Variants in GNAI1 observed in about 807,000 individuals in gnomAD.
The protein encoded by GNAI1 is G protein subunit alpha i1.
Under a neutral mutation model 38.9 loss-of-function variants are expected in GNAI1, and 11 were observed. The ratio of observed to expected loss-of-function variants is 0.28; its 90% CI spans 0.18 to 0.47. The LOEUF is 0.47. Ranked by LOEUF, GNAI1 falls within the 20% of genes least tolerant of loss-of-function variation. GNAI1 has a pLI of 0.99. For synonymous variants in GNAI1, 166 were observed against 145.1 expected (o/e 1.14, Z -1.04); for missense variants, 317 against 436.9 (o/e 0.73, Z 2.45).
At chr7:80,180,541 G>C (rs1223419572) in intron 1 of GNAI1, among the ~76,000 whole-genome samples, 1 of 151,964 alleles carries the variant, frequency 6.6e-6, no homozygotes, top group African/African-American at 2.4e-5. Flanking sequence ...GTGTTTATTT[G>C]GCCTTCACTT....
intron 5 of GNAI1, among the ~76,000 whole-genome samples, chr7:80,204,934 G>T (rs1413039040): frequency 6.6e-6 from 1 of 152,020 alleles, no homozygotes; most frequent in East Asian, 1.9e-4. Flanking sequence ...TAAAAATACA[G>T]ATGTTCCTTT....
chr7:80,188,920 A>G, intron 1 of GNAI1, 31 bp from the exon 2 acceptor site: 1 of 1,474,924 alleles, frequency 6.8e-7, no homozygotes. Context: ...TTATGATGAA[A>G]TTAGAAACCT....
Position 80,217,469 on chromosome 7 carries a change from T to C in GNAI1, c.1041T>C (p.Asn347=). 1.3e-6 allele frequency: 2 copies of C among 1,599,518 alleles called. No homozygotes were observed. The highest frequency in any genetic ancestry group is 1.1e-5 in the South Asian group (1 of 87,574). Residue 347 remains asparagine (N), a synonymous_variant, in exon 8 of 8, where the codon AAT becomes AAC. Coordinates refer to ENST00000649796, the MANE Select transcript of GNAI1 (RefSeq NM_002069.6). ...TAACAGATGTCATCATAAAAAATAA[T>C]CTAAAAGATTGTGGTCTCTTTTAAG... ...DAVTDVIIKN[N]LKDCGLF is the part of the protein sequence containing the mutation.
At chr7:80,192,016 T>C (rs1788488706) in intron 3 of GNAI1, among the ~76,000 whole-genome samples, 1 of 151,648 alleles carries the variant, frequency 6.6e-6, no homozygotes, top group Non-Finnish European at 1.5e-5. Flanking sequence ...TGTGAACTCC[T>C]CTTAGTTTTC....
rs1562848645 is a variant in GNAI1 at position 80,221,636 on chromosome 7, C to CTTTTTAT, written c.*4148_*4149insATTTTTT. ...ATTTTAATGTTAGGTTGGAAATTTT[C>CTTTTTAT]TTTTTTTTTTTTTTTTTTTTTTTTT... On this transcript the variant is annotated 3_prime_UTR_variant, in exon 8 of 8. Coordinates refer to ENST00000649796, the MANE Select transcript of GNAI1 (RefSeq NM_002069.6). 1.1e-5 allele frequency among the ~76,000 whole-genome samples: 1 copy of CTTTTTAT among 94,354 alleles called. No homozygotes were observed. 61.9% of individuals were successfully genotyped at this position (94,354 alleles called of 152,430 possible).
chr7:80,181,244 C>A (rs1299496312), intron 1 of GNAI1, among the ~76,000 whole-genome samples: 1 of 152,096 alleles, frequency 6.6e-6, no homozygotes, highest in African/African-American at 2.4e-5. Context: ...CTTCTTTGAC[C>A]AGTTGGGTGA....
chr7:80,179,951 A>G (rs1476201726), intron 1 of GNAI1, among the ~76,000 whole-genome samples: 1 of 152,160 alleles, frequency 6.6e-6, no homozygotes, highest in Non-Finnish European at 1.5e-5. Flanking sequence ...TTGCCGTAGA[A>G]GGAGACATTA....
chr7:80,174,235 T>C (rs748070260), intron 1 of GNAI1, among the ~76,000 whole-genome samples: 23 of 152,236 alleles, frequency 1.5e-4, no homozygotes, highest in Middle Eastern at 6.8e-3. Context: ...ACAGAAACAT[T>C]CAAGAAGTAA....
intron 1 of GNAI1, among the ~76,000 whole-genome samples, chr7:80,139,165 C>A (rs1787479057): frequency 1.3e-5 from 2 of 152,118 alleles, no homozygotes; most frequent in Non-Finnish European, 2.9e-5. Flanking sequence ...TAGTAAGAAG[C>A]CACAGGTTTT....
chr7:80,155,706 A>C (rs1317156849), intron 1 of GNAI1, among the ~76,000 whole-genome samples: 1 of 151,930 alleles, frequency 6.6e-6, no homozygotes, highest in Non-Finnish European at 1.5e-5. Flanking sequence ...GAATGATAGC[A>C]CAGTTACACA....
At chr7:80,210,127 A>G (rs965947935) in intron 5 of GNAI1, among the ~76,000 whole-genome samples, 15 of 152,212 alleles carry the variant, frequency 9.9e-5, no homozygotes, top group African/African-American at 3.6e-4. Context: ...TAGTGTTTTC[A>G]TTATATAAGT....
At chr7:80,139,908 AAT>A (rs1787493097) in intron 1 of GNAI1, among the ~76,000 whole-genome samples, 1 of 61,656 alleles carries the variant, frequency 1.6e-5, no homozygotes, top group African/African-American at 4.6e-5. Context: ...TTTGCCCTGC[AAT>A]TTTTTTTTTT....
At chr7:80,184,083 A>G (rs905728770) in intron 1 of GNAI1, among the ~76,000 whole-genome samples, 1 of 152,064 alleles carries the variant, frequency 6.6e-6, no homozygotes, top group Non-Finnish European at 1.5e-5. Context: ...CAGTGGGCGG[A>G]GGGGGAGGAC....
chr7:80,166,601 C>T (rs968041950), intron 1 of GNAI1, among the ~76,000 whole-genome samples: 10 of 152,124 alleles, frequency 6.6e-5, no homozygotes, highest in African/African-American at 1.9e-4. Flanking sequence ...TAGGATTACT[C>T]ACATTCAATT....
chr7:80,212,334 T>G (rs56343702), intron 6 of GNAI1, among the ~76,000 whole-genome samples: 43,603 of 151,776 alleles, frequency 0.29, 7,349 homozygotes, highest in African/African-American at 0.47. Context: ...TCAATTTAAG[T>G]TATTAATCTT....
chr7:80,203,983 T>G, intron 5 of GNAI1, 151 bp downstream of exon 5: 1 of 481,560 alleles, frequency 2.1e-6, no homozygotes, highest in Non-Finnish European at 3.6e-6. Context: ...AAAGAATGTT[T>G]GGGAGAAAGA....
chr7:80,155,356 A>T (rs1243048795), intron 1 of GNAI1, among the ~76,000 whole-genome samples: 1 of 152,222 alleles, frequency 6.6e-6, no homozygotes, highest in African/African-American at 2.4e-5. Context: ...CTTCAGTAAT[A>T]TCGAATTCTG....
At chr7:80,180,802 CT>C (rs1788281252) in intron 1 of GNAI1, among the ~76,000 whole-genome samples, 1 of 152,118 alleles carries the variant, frequency 6.6e-6, no homozygotes, top group Non-Finnish European at 1.5e-5. Context: ...AAAGTCCCTA[CT>C]TTGAAGATAA....
chr7:80,214,376 A>G (rs1788926275), intron 7 of GNAI1, among the ~76,000 whole-genome samples: 1 of 152,108 alleles, frequency 6.6e-6, no homozygotes, highest in Non-Finnish European at 1.5e-5. Flanking sequence ...ATCATATTCT[A>G]TGATGTAGCC....
Sources: allele counts gnomAD v4.1 joint callset (sites outside exome capture counted in the v4.1 genomes callset), GRCh38; gene constraint gnomAD v4.1.1; transcripts MANE v1.5; gene names NCBI Gene and HGNC (gene_info 2026-07-23, HGNC 2026-07-21).